Variants in CSTL1 observed in about 807,000 individuals in gnomAD.
The protein encoded by CSTL1 is cystatin-like 1.
CSTL1 carries 14 observed loss-of-function variants against 14.4 expected under a neutral mutation model. The ratio of observed to expected loss-of-function variants is 0.97; its 90% CI spans 0.64 to 1.52. The LOEUF is 1.52. Among genes scored for constraint, CSTL1 ranks in the 40% most tolerant of loss-of-function variants. CSTL1 has a pLI of 0.00. For missense variants in CSTL1, 170 were observed against 168.7 expected (o/e 1.01, Z -0.04); for synonymous variants, 72 against 67.5 (o/e 1.07, Z -0.33).
the CSTL1 span, chr20:23,458,452 T>C: frequency 2.6e-5 from 4 of 152,222 alleles, no homozygotes; most frequent in Non-Finnish European, 5.9e-5. Context: ...CCCTGCTAAA[T>C]CTTCTTCATT....
chr20:23,447,950 C>T (rs1304102998), downstream of CSTL1, among the ~76,000 whole-genome samples: 2 of 152,098 alleles, frequency 1.3e-5, no homozygotes, highest in Non-Finnish European at 2.9e-5. Context: ...ACTTTTTGAA[C>T]ATCTTTTATT....
intron 2 of CSTL1, 71 bp downstream of exon 2, chr20:23,440,557 G>A: frequency 1.7e-6 from 2 of 1,201,956 alleles, no homozygotes; most frequent in East Asian, 4.7e-5. Flanking sequence ...AGGATTCTGG[G>A]GTAGCTCCCA....
chr20:23,449,585 A>T (rs1180544737), downstream of CSTL1, among the ~76,000 whole-genome samples: 1 of 152,166 alleles, frequency 6.6e-6, no homozygotes, highest in Non-Finnish European at 1.5e-5. Context: ...CTGCAACCAC[A>T]TGGAGGAGGA....
At chr20:23,451,559 G>A in the CSTL1 span, among the ~76,000 whole-genome samples, 1 of 152,158 alleles carries the variant, frequency 6.6e-6, no homozygotes. Flanking sequence ...CCCAGAGTGT[G>A]CCCCTGCAGC....
Position 23,444,479 on chromosome 20 carries a change from C to T in CSTL1, c.331-292C>T, listed in dbSNP as rs548829770. On this transcript the variant is annotated intron_variant, in intron 3 of 3. Transcript: ENST00000347397. ...CCTGGGGAGGTGCAGGAGGAGGTAACGATGCTATTGCTCCTTGCTGGCCTG... is the reference window on the plus strand; with the variant it reads ...CCTGGGGAGGTGCAGGAGGAGGTAATGATGCTATTGCTCCTTGCTGGCCTG... Among the ~76,000 whole-genome samples the T allele has an allele frequency of 2.6e-4, 39 of 152,302 alleles. 1 individual carries two copies. The South Asian group carries it at 6.0e-3, about 23-fold the overall frequency.
At chr20:23,447,206 T>C (rs1986985577), downstream of CSTL1, among the ~76,000 whole-genome samples, 1 of 152,218 alleles carries the variant, frequency 6.6e-6, no homozygotes, top group Non-Finnish European at 1.5e-5. Context: ...GTTGGTTGCA[T>C]TTTTAGAAAT....
In CSTL1 at chr20:23,440,220, C is replaced by A; in HGVS notation, c.-48C>A. On this transcript the variant is annotated 5_prime_UTR_variant, in exon 2 of 4. Transcript: ENST00000347397. ...TGAGTGAACTGCAGCCTGGCACCAC[C>A]ACACCCTGGAAGGTGCAGTTGGGAA... 6.3e-7 allele frequency: 1 copy of A among 1,597,726 alleles called. No homozygotes were observed. The highest frequency in any genetic ancestry group is 1.1e-5 in the South Asian group (1 of 90,520).
downstream of CSTL1, among the ~76,000 whole-genome samples, chr20:23,449,713 A>C (rs1987035050): frequency 6.6e-6 from 1 of 152,142 alleles, no homozygotes; most frequent in South Asian, 2.1e-4. Flanking sequence ...CCTTGAACAG[A>C]GGACTCCTGG....
At chr20:23,453,169 C>T in the CSTL1 span, among the ~76,000 whole-genome samples, 10 of 143,610 alleles carry the variant, frequency 7.0e-5, no homozygotes, top group African/African-American at 2.5e-4. Context: ...GCTGGAGACA[C>T]GGGGAGATTG....
At chr20:23,457,799 T>C in the CSTL1 span, 3 of 152,222 alleles carry the variant, frequency 2.0e-5, no homozygotes, top group Non-Finnish European at 2.9e-5. Flanking sequence ...CAAGTTCCCT[T>C]TTTGAAGTGT....
chr20:23,450,838 A>G, the CSTL1 span, among the ~76,000 whole-genome samples: 11 of 152,218 alleles, frequency 7.2e-5, no homozygotes, highest in Non-Finnish European at 1.5e-4. Context: ...CATATTCACC[A>G]TGGGTACTGC....
At chr20:23,449,271 C>T (rs1987025734), downstream of CSTL1, among the ~76,000 whole-genome samples, 1 of 152,146 alleles carries the variant, frequency 6.6e-6, no homozygotes, top group Non-Finnish European at 1.5e-5. Flanking sequence ...CCTGGAGCTG[C>T]CTCAGGCCAG....
Position 23,444,854 on chromosome 20 carries a change from G to A in CSTL1, c.414G>A (p.Glu138=). Residue 138 remains glutamate, a synonymous_variant, in exon 4 of 4, where the codon GAG becomes GAA. Coordinates refer to ENST00000347397, the MANE Select transcript of CSTL1 (RefSeq NM_138283.1). ...QLWNNSCLEA[E]HVGRNLR is the part of the protein sequence containing the mutation. ...GGAACAATTCCTGTCTGGAGGCCGA[G>A]CATGTGGGCAGAAACCTCAGATGAG... is the stretch of plus-strand genomic sequence containing the variant. 1 of 1,613,456 alleles carries A rather than the reference G, an allele frequency of 6.2e-7. No homozygotes were observed. The highest frequency in any genetic ancestry group is 8.5e-7 in the Non-Finnish European group (1 of 1,179,398).
the CSTL1 span, chr20:23,452,448 A>T: frequency 1.5e-6 from 1 of 674,848 alleles, no homozygotes; most frequent in Admixed American, 2.4e-5. Flanking sequence ...ACCCTAGTGA[A>T]TTTATGCTTC....
At chr20:23,450,039 T>C in the CSTL1 span, among the ~76,000 whole-genome samples, 1 of 152,224 alleles carries the variant, frequency 6.6e-6, no homozygotes, top group Non-Finnish European at 1.5e-5. Context: ...TGGTGATTTC[T>C]TCTTATTTCA....
At chr20:23,443,389 T>C (rs1986883600) in intron 2 of CSTL1, among the ~76,000 whole-genome samples, 1 of 152,204 alleles carries the variant, frequency 6.6e-6, no homozygotes, top group Non-Finnish European at 1.5e-5. Flanking sequence ...GGTTTGTAGT[T>C]TGTAAGTGAA....
chr20:23,446,947 G>A (rs977060861), downstream of CSTL1, among the ~76,000 whole-genome samples: 26 of 151,832 alleles, frequency 1.7e-4, no homozygotes, highest in African/African-American at 5.8e-4. Context: ...GAATTCCTGC[G>A]CAAAAAACCC....
chr20:23,460,005 T>A, the CSTL1 span, among the ~76,000 whole-genome samples: 1 of 152,250 alleles, frequency 6.6e-6, no homozygotes, highest in African/African-American at 2.4e-5. Context: ...ACAAGACAAC[T>A]AAGTGTTTAT....
chr20:23,460,945 T>G, the CSTL1 span, among the ~76,000 whole-genome samples: 6 of 152,212 alleles, frequency 3.9e-5, no homozygotes, highest in Non-Finnish European at 7.3e-5. Flanking sequence ...AGGAAATTCC[T>G]GGTGAGATGT....
Sources: gnomAD v4.1 joint callset for allele counts (sites outside exome capture counted in the v4.1 genomes callset) on GRCh38, gnomAD v4.1.1 for gene constraint, MANE v1.5 for transcripts, NCBI Gene and HGNC (gene_info 2026-07-23, HGNC 2026-07-21) for gene names.